The following PCDHGB2 variants were observed in gnomAD, a reference collection of about 807,000 sequenced individuals.
PCDHGB2 encodes protocadherin gamma subfamily B, 2, also known as protocadherin gamma-B2.
A neutral mutation model predicts 59.3 loss-of-function variants in PCDHGB2; 55 were observed. The observed-to-expected ratio is 0.93, with a 90% CI of 0.75 to 1.16. PCDHGB2 has a LOEUF of 1.16. PCDHGB2 is among the 50% of genes most tolerant of loss of function. The probability of loss-of-function intolerance (pLI) is 0.00; values close to 1 mark genes in which losing one functional copy is unlikely to be tolerated. For synonymous variants in PCDHGB2, 516 were observed against 512.0 expected (o/e 1.01, Z -0.11); for missense variants, 1,228 against 1,198.5 (o/e 1.02, Z -0.36).
At chr5:141,510,358 C>T (rs186470331) in intron 3 of PCDHGB2, among the ~76,000 whole-genome samples, 187 of 144,062 alleles carry the variant, frequency 1.3e-3, no homozygotes, top group African/African-American at 4.6e-3. Context: ...ACTAACGGAA[C>T]TACCGAATCT....
At chr5:141,508,823 G>A (rs1445894402) in intron 3 of PCDHGB2, among the ~76,000 whole-genome samples, 1 of 151,966 alleles carries the variant, frequency 6.6e-6, no homozygotes, top group Admixed American at 6.6e-5. Flanking sequence ...GCCAGATCTG[G>A]GCCCCCCTCC....
At chr5:141,383,225 T>G in intron 1 of PCDHGB2, 2 of 1,613,970 alleles carry the variant, frequency 1.2e-6, no homozygotes, top group Non-Finnish European at 1.7e-6. Context: ...TTTAACATCC[T>G]GATGGAAGAT....
chr5:141,490,251 A>G lies in PCDHGB2; in HGVS notation c.2422-4556A>G, dbSNP rs1479384008. ...CCATGGAGGGCCACTGTGTGATTCA[A>G]GTGGATGTGGGGGATGTCAATGACA... is the stretch of plus-strand genomic sequence containing the variant. On this transcript the variant is annotated intron_variant, in intron 1 of 3. Coordinates refer to ENST00000522605, the MANE Select transcript of PCDHGB2 (RefSeq NM_018923.3). This position sits in a 1 kb window ranked among gnomAD's most constrained non-coding sequence, Gnocchi z 5.4. 6.2e-7 allele frequency: 1 copy of G among 1,614,210 alleles called. No homozygotes were observed. Among genetic ancestry groups the G allele is most frequent in the Non-Finnish European group, 8.5e-7 (1 of 1,180,036 alleles).
intron 1 of PCDHGB2, chr5:141,374,675 G>A (rs1770710965): frequency 1.2e-6 from 2 of 1,610,644 alleles, no homozygotes; most frequent in South Asian, 1.1e-5. Flanking sequence ...GGTGCTGGAG[G>A]GCACACTGGA....
At chr5:141,498,352 C>T (rs1439698389) in intron 2 of PCDHGB2, among the ~76,000 whole-genome samples, 1 of 151,772 alleles carries the variant, frequency 6.6e-6, no homozygotes, top group Non-Finnish European at 1.5e-5. Flanking sequence ...AAAGCCTATG[C>T]AAAAGCCTTG....
intron 1 of PCDHGB2, among the ~76,000 whole-genome samples, chr5:141,452,072 G>A (rs550370876): frequency 1.3e-5 from 2 of 152,272 alleles, no homozygotes; most frequent in East Asian, 1.9e-4. Flanking sequence ...ACTTTTATTA[G>A]TTGGCATTAT....
At chr5:141,391,449 A>C (rs1432134490) in intron 1 of PCDHGB2, 2 of 152,026 alleles carry the variant, frequency 1.3e-5, no homozygotes, top group Admixed American at 1.3e-4. Context: ...ACTAGCTGGA[A>C]CTCAGGCTCA....
intron 1 of PCDHGB2, among the ~76,000 whole-genome samples, chr5:141,483,203 A>G (rs940487337): frequency 6.6e-6 from 1 of 152,204 alleles, no homozygotes; most frequent in Admixed American, 6.5e-5. Flanking sequence ...ATTTTATTCC[A>G]TATAGATGAC....
At chr5:141,450,211 T>TTTCA (rs1038674129) in intron 1 of PCDHGB2, among the ~76,000 whole-genome samples, 23 of 152,166 alleles carry the variant, frequency 1.5e-4, no homozygotes, top group African/African-American at 4.3e-4. Flanking sequence ...AGAGACAAGG[T>TTTCA]TTCACTATGT....
At chr5:141,366,528 C>T (rs777450935) in intron 1 of PCDHGB2, 3 of 1,614,208 alleles carry the variant, frequency 1.9e-6, no homozygotes, top group Non-Finnish European at 2.5e-6. Context: ...AGCAGGTTGG[C>T]GGGTGTGCCC....
At chr5:141,483,745 T>C (rs1288301129) in intron 1 of PCDHGB2, among the ~76,000 whole-genome samples, 1 of 152,130 alleles carries the variant, frequency 6.6e-6, no homozygotes, top group Non-Finnish European at 1.5e-5. Flanking sequence ...AGGATATTCC[T>C]GAGGATCGAG....
chr5:141,400,928 G>T (rs1365073405), intron 1 of PCDHGB2, among the ~76,000 whole-genome samples: 1 of 152,154 alleles, frequency 6.6e-6, no homozygotes, highest in African/African-American at 2.4e-5. Flanking sequence ...ACTGCTAGTA[G>T]ATGTCTTTCT....
At chr5:141,419,411 C>T (rs757881409) in intron 1 of PCDHGB2, 7 of 1,613,344 alleles carry the variant, frequency 4.3e-6, no homozygotes, top group Non-Finnish European at 5.9e-6. Flanking sequence ...GTTCGCGCAG[C>T]GCGCCTTCGA....
chr5:141,389,588 C>T (rs2091837140), intron 1 of PCDHGB2: 3 of 1,613,150 alleles, frequency 1.9e-6, no homozygotes, highest in Non-Finnish European at 2.5e-6. Flanking sequence ...TGGGTCCCGA[C>T]GGCTCTGCGC....
At chr5:141,456,635 A>G (rs558958846) in intron 1 of PCDHGB2, among the ~76,000 whole-genome samples, 17 of 152,194 alleles carry the variant, frequency 1.1e-4, no homozygotes, top group Non-Finnish European at 2.2e-4. Context: ...CTTCTTTACT[A>G]CAGGTGTTAA....
At chr5:141,418,806 C>A in intron 1 of PCDHGB2, 1 of 1,613,696 alleles carries the variant, frequency 6.2e-7, no homozygotes, top group Non-Finnish European at 8.5e-7. Context: ...GAAAGATATA[C>A]GATAAACATA....
intron 1 of PCDHGB2, among the ~76,000 whole-genome samples, chr5:141,447,234 G>T (rs534523483): frequency 9.9e-4 from 150 of 152,170 alleles, no homozygotes; most frequent in Non-Finnish European, 1.8e-3. Flanking sequence ...CCGCCTCCCG[G>T]GTTCAAGTGA....
rs201325462 is a variant in PCDHGB2, at chr5:141,371,687, G to C, written c.2421+9131G>C. The C allele has an allele frequency of 3.2e-3, 5,173 of 1,614,012 alleles. 13 individuals are homozygous for C. The highest frequency in any genetic ancestry group is 4.1e-3 in the Non-Finnish European group (4,801 of 1,179,898). ...CAGCTACCGACAAAGGCAATCCACC[G>C]CTCTCCTCCAGCAAGACCATCACTC... On this transcript the variant is annotated intron_variant, in intron 1 of 3. Coordinates refer to ENST00000522605, the MANE Select transcript of PCDHGB2 (RefSeq NM_018923.3).
At position 141,487,329 on chromosome 5, in the gene PCDHGB2, C is replaced by T; in HGVS notation, c.2422-7478C>T. On this transcript the variant is annotated intron_variant, in intron 1 of 3. Coordinates refer to ENST00000522605, the MANE Select transcript of PCDHGB2 (RefSeq NM_018923.3). This position sits in a 1 kb window ranked among gnomAD's most constrained non-coding sequence, Gnocchi z 5.0. Reference sequence around the variant, plus strand: ...CTACTCTCTAAGTGTCTTCGTGGGGCAGCCTGTGGAGTCACATGCTTTCCT... The same window carrying T: ...CTACTCTCTAAGTGTCTTCGTGGGGTAGCCTGTGGAGTCACATGCTTTCCT... 1 of 1,614,170 alleles carries T rather than the reference C, an allele frequency of 6.2e-7. No homozygotes were observed. The highest frequency in any genetic ancestry group is 1.1e-5 in the South Asian group (1 of 91,070).
Sources: allele counts gnomAD v4.1 joint callset (sites outside exome capture counted in the v4.1 genomes callset), GRCh38; gene constraint gnomAD v4.1.1; non-coding constraint Gnocchi (gnomAD v3.1); transcripts MANE v1.5; gene names NCBI Gene and HGNC (gene_info 2026-07-23, HGNC 2026-07-21).